The following AGO2 variants were observed in gnomAD, a reference collection of about 807,000 sequenced individuals.
AGO2 encodes argonaute RISC catalytic component 2, also known as protein argonaute-2.
In AGO2, 5 loss-of-function variants were observed where a neutral mutation model predicts 102.3. That is an observed-to-expected ratio of 0.05 (90% confidence interval 0.03 to 0.10). The LOEUF (loss-of-function observed/expected upper bound fraction) is 0.10, where lower values mean the gene tolerates loss of function less well. Among genes scored for constraint, AGO2 ranks in the 10% least tolerant of loss-of-function variants. The pLI, the probability that AGO2 is intolerant of heterozygous loss-of-function variation, is 1.00. For synonymous variants in AGO2, 449 were observed against 473.1 expected (o/e 0.95, Z 0.66); for missense variants, 541 against 1,183.7 (o/e 0.46, Z 7.97).
chr8:140,641,742 C>G, the AGO2 span, among the ~76,000 whole-genome samples: 1 of 152,158 alleles, frequency 6.6e-6, no homozygotes, highest in Non-Finnish European at 1.5e-5. Context: ...CACAACCACG[C>G]CTGGCTAATT....
At chr8:140,598,272 T>C (rs1025304460) in intron 1 of AGO2, among the ~76,000 whole-genome samples, 22 of 152,330 alleles carry the variant, frequency 1.4e-4, no homozygotes, top group African/African-American at 4.8e-4. Context: ...CCAGGTGTTC[T>C]AAAGCCACAG....
intron 14 of AGO2, among the ~76,000 whole-genome samples, chr8:140,543,776 A>C (rs1330367312): frequency 1.3e-5 from 2 of 152,232 alleles, no homozygotes; most frequent in Non-Finnish European, 2.9e-5. Context: ...TTTACACCCA[A>C]GAAAGTTCTG....
At chr8:140,612,996 G>A (rs1384997587) in intron 1 of AGO2, among the ~76,000 whole-genome samples, 4 of 151,682 alleles carry the variant, frequency 2.6e-5, no homozygotes, top group South Asian at 2.1e-4. Flanking sequence ...TCAGGAGATC[G>A]ACACCATCCT....
rs531402221 is a variant in AGO2, at chr8:140,578,548, G to A, written c.216-5616C>T. ...CGCAGGCACTGGAAAGTGAGCAAGC[G>A]TCCCTGCTTCTGCAGAGCCAGCTCT... On this transcript the variant is annotated intron_variant, in intron 2 of 18. Coordinates refer to ENST00000220592, the MANE Select transcript of AGO2 (RefSeq NM_012154.5). 6.6e-5 allele frequency among the ~76,000 whole-genome samples: 10 copies of A among 152,340 alleles called. No homozygotes were observed. In the South Asian group the frequency reaches 1.4e-3, roughly 22 times the overall value.
chr8:140,608,564 G>A lies in AGO2; in HGVS notation c.23-23253C>T, dbSNP rs563512588. Reference sequence around the variant, plus strand: ...AGCAGGGACCGGGGCGGGGACCTGAGCAGACACCGTGGACGGAGCAGGTCC... The same window carrying A: ...AGCAGGGACCGGGGCGGGGACCTGAACAGACACCGTGGACGGAGCAGGTCC... On this transcript the variant is annotated intron_variant, in intron 1 of 18. Coordinates refer to ENST00000220592, the MANE Select transcript of AGO2 (RefSeq NM_012154.5). Among the ~76,000 whole-genome samples the A allele has an allele frequency of 1.1e-4, 16 of 152,366 alleles. No individual in the cohort carries two copies. In the South Asian group the frequency reaches 3.1e-3, roughly 30 times the overall value.
Position 140,589,475 on chromosome 8 carries a change from T to A in AGO2, c.23-4164A>T, listed in dbSNP as rs2073715008. Among the ~76,000 whole-genome samples the A allele has an allele frequency of 6.6e-6, 1 of 152,064 alleles. No homozygotes were observed. The highest frequency in any genetic ancestry group is 1.5e-5 in the Non-Finnish European group (1 of 67,990). On this transcript the variant is annotated intron_variant, in intron 1 of 18. Transcript: ENST00000220592. The surrounding 1 kb of genome is among the most constrained non-coding windows in gnomAD (Gnocchi z 4.2). ...GCTGTCTCCTAGGAAGCCGGCCCAG[T>A]GCTCAGCACCCATGAATCAGGGGAT... is the stretch of plus-strand genomic sequence containing the variant.
intron 2 of AGO2, among the ~76,000 whole-genome samples, chr8:140,582,966 C>T (rs2073579809): frequency 6.6e-6 from 1 of 152,320 alleles, no homozygotes; most frequent in Middle Eastern, 3.4e-3. Flanking sequence ...GACTTCTGGG[C>T]ATGTCTGTGT....
chr8:140,556,123 G>A (rs781225531), intron 9 of AGO2, 44 bp downstream of exon 9: 11 of 1,612,312 alleles, frequency 6.8e-6, no homozygotes, highest in South Asian at 4.4e-5. Flanking sequence ...CAGGGCAACC[G>A]GACTGGATTC....
chr8:140,601,669 C>G (rs1447190037), intron 1 of AGO2, among the ~76,000 whole-genome samples: 1 of 152,248 alleles, frequency 6.6e-6, no homozygotes, highest in Non-Finnish European at 1.5e-5. Flanking sequence ...AGAGTCATCT[C>G]TTGGTGTTTG....
At chr8:140,627,927 G>C (rs1333456272) in intron 1 of AGO2, among the ~76,000 whole-genome samples, 2 of 152,292 alleles carry the variant, frequency 1.3e-5, no homozygotes, top group South Asian at 2.1e-4. Flanking sequence ...CCACTGTCTC[G>C]GGGCTGTCCT....
intron 3 of AGO2, among the ~76,000 whole-genome samples, chr8:140,564,882 TCC>T (rs1391677083): frequency 6.6e-6 from 1 of 152,208 alleles, no homozygotes; most frequent in Non-Finnish European, 1.5e-5. Flanking sequence ...ACACCTGTAA[TCC>T]CAGCACTTTG....
At chr8:140,572,991 G>C in intron 2 of AGO2, 59 bp from the exon 3 acceptor site, 1 of 1,549,030 alleles carries the variant, frequency 6.5e-7, no homozygotes, top group South Asian at 1.2e-5. Context: ...TGGCATACAA[G>C]GACATTTTTC....
chr8:140,637,826 C>T (rs2074420499), upstream of AGO2: 1 of 152,276 alleles, frequency 6.6e-6, no homozygotes, highest in African/African-American at 2.4e-5. Flanking sequence ...GAACTGCAGT[C>T]CCCTCTGCCT....
At chr8:140,609,578 C>T (rs557686281) in intron 1 of AGO2, among the ~76,000 whole-genome samples, 1 of 152,322 alleles carries the variant, frequency 6.6e-6, no homozygotes, top group Admixed American at 6.5e-5. Flanking sequence ...CTCAATGAGG[C>T]CTCCCTAACA....
intron 11 of AGO2, among the ~76,000 whole-genome samples, chr8:140,549,513 C>G (rs1035717815): frequency 6.6e-6 from 1 of 152,278 alleles, no homozygotes; most frequent in East Asian, 1.9e-4. Flanking sequence ...GCTAAACATA[C>G]ATGTAACATG....
chr8:140,544,403 T>C (rs2072857826), intron 13 of AGO2, 100 bp from the exon 14 acceptor site: 9 of 927,530 alleles, frequency 9.7e-6, no homozygotes, highest in Non-Finnish European at 1.5e-5. Flanking sequence ...CAGTGTATCA[T>C]GGTAATGCTT....
chr8:140,579,017 TA>T (rs2073509926), intron 2 of AGO2, among the ~76,000 whole-genome samples: 1 of 152,142 alleles, frequency 6.6e-6, no homozygotes. Flanking sequence ...ACGATAAAGC[TA>T]AAAGTCCCAG....
intron 7 of AGO2, among the ~76,000 whole-genome samples, chr8:140,558,078 C>T (rs369252619): frequency 1.3e-5 from 2 of 152,222 alleles, no homozygotes; most frequent in Admixed American, 6.5e-5. Flanking sequence ...TCTCACCCCC[C>T]ACTCCGGCCT....
intron 10 of AGO2, 82 bp downstream of exon 10, chr8:140,555,814 G>A (rs1300231376): frequency 1.3e-6 from 2 of 1,517,200 alleles, no homozygotes; most frequent in Middle Eastern, 1.8e-4. Context: ...TCTACACCGC[G>A]GGCGATAGCT....
Sources: allele counts gnomAD v4.1 joint callset (sites outside exome capture counted in the v4.1 genomes callset), GRCh38; gene constraint gnomAD v4.1.1; non-coding constraint Gnocchi (gnomAD v3.1); transcripts MANE v1.5; gene names NCBI Gene and HGNC (gene_info 2026-07-23, HGNC 2026-07-21).